The following CIT variants were observed in gnomAD, a reference collection of about 807,000 sequenced individuals.
The protein encoded by CIT is citron rho-interacting serine/threonine kinase.
A neutral mutation model predicts 272.7 loss-of-function variants in CIT; 79 were observed. That is an observed-to-expected ratio of 0.29 (90% confidence interval 0.24 to 0.35). The LOEUF (loss-of-function observed/expected upper bound fraction) is 0.35. Ranked by LOEUF, CIT falls within the 10% of genes least tolerant of loss-of-function variation. The pLI is 1.00. For missense variants in CIT, 1,909 were observed against 2,618.3 expected, an observed-to-expected ratio of 0.73 and a Z score of 5.91; for synonymous variants, 948 against 995.6, an observed-to-expected ratio of 0.95 and a Z score of 0.90.
rs1267320053 is a variant in CIT at position 119,712,170 on chromosome 12, A to T, written c.4854+8T>A. 6.3e-7 allele frequency: 1 copy of T among 1,581,332 alleles called. No individual in the cohort carries two copies. Among genetic ancestry groups the T allele is most frequent in the Non-Finnish European group, 8.6e-7 (1 of 1,162,712 alleles). On this transcript the variant is annotated splice_region_variant and intron_variant, in intron 37 of 47. Transcript: ENST00000392521. This position sits in a 1 kb window ranked among gnomAD's most constrained non-coding sequence, Gnocchi z 5.2. The stretch of plus-strand genomic sequence containing the variant: ...AAGACAACCTCCAGGGCCCGCTTTC[A>T]TACTCACAGCATCAGCTTCTGCTTT...
At chr12:119,778,621 T>G (rs1339275844) in intron 13 of CIT, among the ~76,000 whole-genome samples, 1 of 152,140 alleles carries the variant, frequency 6.6e-6, no homozygotes, top group Non-Finnish European at 1.5e-5. Flanking sequence ...GGAAACCTTT[T>G]ATCCCATTGT....
At chr12:119,793,773 C>G (rs371987290) in intron 10 of CIT, among the ~76,000 whole-genome samples, 2 of 152,216 alleles carry the variant, frequency 1.3e-5, no homozygotes, top group African/African-American at 4.8e-5. Flanking sequence ...GATGCTTGCT[C>G]CTTTGCATTC....
At chr12:119,862,841 G>GAAAAAAAAAAAAAAAAAAAAA (rs1950393786) in intron 3 of CIT, among the ~76,000 whole-genome samples, 1 of 56,664 alleles carries the variant, frequency 1.8e-5, no homozygotes, top group Non-Finnish European at 3.2e-5. Context: ...AAAAAAAAAA[G>GAAAAAAAAAAAAAAAAAAAAA]AAAAAACCAA....
chr12:119,771,004 C>G, intron 17 of CIT, 94 bp from the exon 18 acceptor site: 2 of 1,458,074 alleles, frequency 1.4e-6, no homozygotes, highest in Non-Finnish European at 1.8e-6. Flanking sequence ...GAAGCATACA[C>G]TCGAGTCAGG....
At chr12:119,815,093 A>C (rs1451790486) in intron 9 of CIT, among the ~76,000 whole-genome samples, 1 of 86,488 alleles carries the variant, frequency 1.2e-5, no homozygotes, top group Non-Finnish European at 2.1e-5. Flanking sequence ...CATACCACAC[A>C]CACACACACA....
At chr12:119,792,618 C>T (rs1251469823) in intron 10 of CIT, among the ~76,000 whole-genome samples, 4 of 151,988 alleles carry the variant, frequency 2.6e-5, no homozygotes, top group African/African-American at 7.2e-5. Flanking sequence ...TACAGGCACG[C>T]GCCACTGTAC....
chr12:119,734,400 G>C (rs1239769814), intron 25 of CIT, 43 bp from the exon 26 acceptor site: 1 of 1,589,996 alleles, frequency 6.3e-7, no homozygotes, highest in South Asian at 1.1e-5. Flanking sequence ...CTTTAAACAA[G>C]GATTTCCTGG....
At chr12:119,787,734 A>AAAAAAG in intron 10 of CIT, among the ~76,000 whole-genome samples, 1 of 134,742 alleles carries the variant, frequency 7.4e-6, no homozygotes, top group South Asian at 2.4e-4. Context: ...CCGTCTCAAA[A>AAAAAAG]AAAAAAAAAA....
At chr12:119,808,530 A>G (rs1407060715) in intron 9 of CIT, among the ~76,000 whole-genome samples, 1 of 152,188 alleles carries the variant, frequency 6.6e-6, no homozygotes, top group African/African-American at 2.4e-5. Flanking sequence ...CATATTAAAA[A>G]AAAAAAATAC....
At chr12:119,808,822 CA>C (rs148220634) in intron 9 of CIT, among the ~76,000 whole-genome samples, 1 of 151,864 alleles carries the variant, frequency 6.6e-6, no homozygotes, top group African/African-American at 2.4e-5. Flanking sequence ...GGAAGAGTAC[CA>C]AAAAAATAGC....
intron 2 of CIT, among the ~76,000 whole-genome samples, chr12:119,874,136 C>T (rs1159218378): frequency 2.0e-5 from 3 of 152,152 alleles, no homozygotes; most frequent in East Asian, 1.9e-4. Context: ...TGCACCATCT[C>T]GGCTCACGAC....
chr12:119,738,445 A>G (rs1958892829), intron 24 of CIT, among the ~76,000 whole-genome samples: 1 of 152,232 alleles, frequency 6.6e-6, no homozygotes, highest in Admixed American at 6.5e-5. Context: ...AGAGTAAAAA[A>G]GAGAAACTGA....
At position 119,710,499 on chromosome 12, in the gene CIT, T is replaced by C. The variant is rs278120; in HGVS notation, c.4935+41A>G. ...CCTTTCTTTCTTGATGGGGTGTGGC[T>C]GTAACCAGACACCAGCTGGCCGTGC... is the stretch of plus-strand genomic sequence containing the variant. On this transcript the variant is annotated intron_variant, in intron 38 of 47. Transcript: ENST00000392521. This position sits in a 1 kb window ranked among gnomAD's most constrained non-coding sequence, Gnocchi z 5.6. 3.7e-4 allele frequency: 598 copies of C among 1,613,476 alleles called. 6 individuals carry two copies. In the African/African-American group the frequency reaches 7.2e-3, roughly 20 times the overall value.
intron 28 of CIT, among the ~76,000 whole-genome samples, chr12:119,726,872 C>T (rs2137187376): frequency 6.6e-6 from 1 of 152,098 alleles, no homozygotes; most frequent in East Asian, 1.9e-4. Flanking sequence ...CCAGCCATCA[C>T]GTAAGGGATG....
chr12:119,746,343 C>T (rs1788167056), intron 23 of CIT, among the ~76,000 whole-genome samples: 1 of 152,164 alleles, frequency 6.6e-6, no homozygotes, highest in African/African-American at 2.4e-5. Flanking sequence ...AACAAACAGA[C>T]ATGTTTGTTT....
intron 7 of CIT, among the ~76,000 whole-genome samples, chr12:119,830,941 T>C (rs1289871183): frequency 6.6e-6 from 1 of 152,182 alleles, no homozygotes; most frequent in African/African-American, 2.4e-5. Context: ...AACACGGTCA[T>C]TGCAGCCTCA....
intron 3 of CIT, 52 bp from the exon 4 acceptor site, chr12:119,857,750 G>T: frequency 2.7e-6 from 4 of 1,462,498 alleles, no homozygotes; most frequent in South Asian, 1.3e-5. Context: ...GCAAATATAT[G>T]CATCTTTATG....
rs1593813020 is a variant in CIT, at chr12:119,804,631, C to T, written c.1112-1242G>A. The T allele has an allele frequency of 2.9e-6, 1 of 345,708 alleles. No homozygotes were observed. Among genetic ancestry groups the T allele is most frequent in the Non-Finnish European group, 4.1e-6 (1 of 244,990 alleles). The allele number at this position is 345,708 out of a possible 1,614,324, so 21.4% of individuals were successfully genotyped here. On this transcript the variant is annotated intron_variant, in intron 9 of 47. Transcript: ENST00000392521. The surrounding 1 kb of genome is among the most constrained non-coding windows in gnomAD (Gnocchi z 5.3). ...CTGGGTGCCAGATATGAGCAGCAAG[C>T]AGTCTGTTTTCTGCTTACAGACTCC... is the stretch of plus-strand genomic sequence containing the variant.
chr12:119,713,288 G>A lies in CIT; in HGVS notation c.4494C>T (p.Asn1498=). 1 of 1,613,842 alleles carries A rather than the reference G, an allele frequency of 6.2e-7. No individual in the cohort carries two copies. Among genetic ancestry groups the A allele is most frequent in the Non-Finnish European group, 8.5e-7 (1 of 1,179,792 alleles). ...LEGWMKVPRN[N]KRGQQGWDRK... ...TGTCCCAGCCTTGCTGTCCTCGTTT[G>A]TTATTCCTGGGGAAAGAAAGATGGA... The change falls in exon 35 of 48, where the codon AAC becomes AAT. Residue 1498 remains asparagine, a synonymous_variant. Transcript: ENST00000392521. This position sits in a 1 kb window ranked among gnomAD's most constrained non-coding sequence, Gnocchi z 5.2.
Sources: gnomAD v4.1 joint callset for allele counts (sites outside exome capture counted in the v4.1 genomes callset) on GRCh38, gnomAD v4.1.1 for gene constraint, Gnocchi (gnomAD v3.1) non-coding constraint, MANE v1.5 for transcripts, NCBI Gene and HGNC (gene_info 2026-07-23, HGNC 2026-07-21) for gene names.